The following EPC2 variants were observed in gnomAD, a reference collection of about 807,000 sequenced individuals.
The protein encoded by EPC2 is enhancer of polycomb 2.
A neutral mutation model predicts 92.1 loss-of-function variants in EPC2; 14 were observed. That is an observed-to-expected ratio of 0.15 (90% CI 0.10 to 0.24). The LOEUF is 0.24. Among genes scored for constraint, EPC2 ranks in the 10% least tolerant of loss-of-function variants. EPC2 has a pLI of 1.00. For synonymous variants in EPC2, 340 were observed against 334.7 expected (o/e 1.02, Z -0.17); for missense variants, 755 against 971.5 (o/e 0.78, Z 2.96).
At chr2:148,736,460 C>T (rs1682756143) in intron 2 of EPC2, among the ~76,000 whole-genome samples, 1 of 151,882 alleles carries the variant, frequency 6.6e-6, no homozygotes, top group Non-Finnish European at 1.5e-5. Context: ...ACAGGGTGCT[C>T]TTGTTTCTTT....
At chr2:148,732,946 C>CT (rs147569199) in intron 2 of EPC2, among the ~76,000 whole-genome samples, 48,770 of 83,964 alleles carry the variant, frequency 0.58, 14,230 homozygotes, top group Non-Finnish European at 0.67. Context: ...GTGAATAGCT[C>CT]TTTTTTTTTT....
At position 148,687,704 on chromosome 2, in the gene EPC2, T is replaced by TC. The variant is rs545928243; in HGVS notation, c.154-2507dup. Among the ~76,000 whole-genome samples the TC allele has an allele frequency of 1.2e-3, 177 of 152,264 alleles. 1 individual carries two copies. The highest frequency in any genetic ancestry group is 4.1e-3 in the African/African-American group (172 of 41,554). ...GACAAAACGATGCTGCTTGTGGGAGTCCCAATAGCTGCCCTGGCTTACTGT... is the reference window on the plus strand; with the variant it reads ...GACAAAACGATGCTGCTTGTGGGAGTCCCCAATAGCTGCCCTGGCTTACTGT... On this transcript the variant is annotated intron_variant, in intron 1 of 13. Coordinates refer to ENST00000258484, the MANE Select transcript of EPC2 (RefSeq NM_015630.4).
intron 10 of EPC2, among the ~76,000 whole-genome samples, chr2:148,779,756 A>T (rs570589143): frequency 6.6e-6 from 1 of 152,202 alleles, no homozygotes; most frequent in Non-Finnish European, 1.5e-5. Flanking sequence ...TTCCTCACTT[A>T]ATGTTAATCA....
intron 1 of EPC2, among the ~76,000 whole-genome samples, chr2:148,659,250 C>T (rs981012259): frequency 4.1e-4 from 62 of 151,762 alleles, no homozygotes; most frequent in African/African-American, 1.4e-3. Flanking sequence ...GTTTTGTTAC[C>T]GCAGTTTCAT....
At chr2:148,762,100 G>C in intron 5 of EPC2, 170 bp downstream of exon 5, 1 of 515,058 alleles carries the variant, frequency 1.9e-6, no homozygotes, top group Non-Finnish European at 3.2e-6. Flanking sequence ...TATAGATTAA[G>C]TTATCAATTT....
chr2:148,723,422 G>A (rs1682423627), intron 2 of EPC2, among the ~76,000 whole-genome samples: 1 of 152,160 alleles, frequency 6.6e-6, no homozygotes, highest in South Asian at 2.1e-4. Context: ...TGGCCATACT[G>A]AGTCAATTAC....
chr2:148,697,829 A>G (rs1359558828), intron 2 of EPC2, among the ~76,000 whole-genome samples: 1 of 152,204 alleles, frequency 6.6e-6, no homozygotes, highest in East Asian at 1.9e-4. Flanking sequence ...GCCTTTGGGT[A>G]TACTGGTTTG....
At chr2:148,704,811 C>T (rs973124636) in intron 2 of EPC2, among the ~76,000 whole-genome samples, 3 of 152,038 alleles carry the variant, frequency 2.0e-5, no homozygotes, top group Non-Finnish European at 1.5e-5. Context: ...ATTGTGGCCA[C>T]GGAAAGCCTT....
chr2:148,666,646 A>G (rs975021222), intron 1 of EPC2, among the ~76,000 whole-genome samples: 4 of 152,226 alleles, frequency 2.6e-5, no homozygotes, highest in Non-Finnish European at 5.9e-5. Context: ...AGAGAATTGC[A>G]GTCTGAGTAG....
At chr2:148,657,898 G>A (rs556129257) in intron 1 of EPC2, among the ~76,000 whole-genome samples, 2 of 152,088 alleles carry the variant, frequency 1.3e-5, no homozygotes, top group South Asian at 4.2e-4. Context: ...GTGTGTGTGT[G>A]TGTGTGTGTA....
intron 7 of EPC2, among the ~76,000 whole-genome samples, chr2:148,767,117 G>A (rs879526968): frequency 2.1e-4 from 32 of 151,684 alleles, no homozygotes; most frequent in African/African-American, 6.3e-4. Context: ...AGGATTGCTC[G>A]AGCCAGGGAG....
intron 1 of EPC2, among the ~76,000 whole-genome samples, chr2:148,656,313 G>GCCTTT (rs1680797931): frequency 6.6e-6 from 1 of 152,144 alleles, no homozygotes; most frequent in Non-Finnish European, 1.5e-5. Context: ...TGTCAGCAAA[G>GCCTTT]CCTTGCATTG....
intron 1 of EPC2, among the ~76,000 whole-genome samples, chr2:148,662,806 TTAAAA>T (rs1427648201): frequency 2.1e-5 from 2 of 96,118 alleles, no homozygotes; most frequent in Admixed American, 9.9e-5. Flanking sequence ...ACCCTAAAAC[TTAAAA>T]TATAATAATA....
intron 1 of EPC2, among the ~76,000 whole-genome samples, chr2:148,650,795 TTTC>T (rs538361073): frequency 2.9e-3 from 444 of 152,290 alleles, no homozygotes; most frequent in Non-Finnish European, 3.8e-3. Context: ...ACATGAAGCA[TTTC>T]TTCTTCTAAC....
intron 4 of EPC2, among the ~76,000 whole-genome samples, chr2:148,755,572 T>C (rs1180288322): frequency 2.0e-5 from 3 of 152,204 alleles, no homozygotes; most frequent in Non-Finnish European, 2.9e-5. Context: ...TTTCTATGTT[T>C]AGATATGTTA....
chr2:148,757,021 G>A (rs1683203518), intron 4 of EPC2, among the ~76,000 whole-genome samples: 1 of 152,224 alleles, frequency 6.6e-6, no homozygotes, highest in Non-Finnish European at 1.5e-5. Flanking sequence ...TTTGAATACA[G>A]GGAATAGGGC....
At chr2:148,775,088 CAAA>C (rs67806541) in intron 10 of EPC2, among the ~76,000 whole-genome samples, 25,158 of 120,846 alleles carry the variant, frequency 0.21, 2,785 homozygotes, top group East Asian at 0.5. Flanking sequence ...GACTCCCTCT[CAAA>C]AAAAAAAAAA....
At chr2:148,708,934 C>A (rs554551057) in intron 2 of EPC2, among the ~76,000 whole-genome samples, 13 of 152,198 alleles carry the variant, frequency 8.5e-5, no homozygotes, top group Admixed American at 2.0e-4. Flanking sequence ...AAAACTGGCA[C>A]AAGACAGGGA....
chr2:148,728,771 G>T (rs1394924354), intron 2 of EPC2, among the ~76,000 whole-genome samples: 3 of 149,824 alleles, frequency 2.0e-5, no homozygotes, highest in African/African-American at 7.4e-5. Flanking sequence ...GGTAGCTCAC[G>T]CCTGTAATCC....
Sources: gnomAD v4.1 joint callset for allele counts (sites outside exome capture counted in the v4.1 genomes callset) on GRCh38, gnomAD v4.1.1 for gene constraint, MANE v1.5 for transcripts, NCBI Gene and HGNC (gene_info 2026-07-23, HGNC 2026-07-21) for gene names.